Variants in HIVEP3 observed in about 807,000 individuals in gnomAD.
HIVEP3 encodes transcription factor HIVEP3.
A neutral mutation model predicts 152.8 loss-of-function variants in HIVEP3; 49 were observed. The observed-to-expected ratio is 0.32, with a 90% confidence interval of 0.26 to 0.41. The LOEUF is 0.41. HIVEP3 is among the 10% of genes least tolerant of loss of function. The pLI is 1.00. For missense variants in HIVEP3, 2,790 were observed against 3,103.3 expected (o/e 0.90, Z 2.40); for synonymous variants, 1,269 against 1,289.0 (o/e 0.98, Z 0.33).
intron 5 of HIVEP3, among the ~76,000 whole-genome samples, chr1:41,545,272 CCAT>C (rs1643728894): frequency 6.9e-6 from 1 of 144,222 alleles, no homozygotes; most frequent in Non-Finnish European, 1.5e-5. Flanking sequence ...ACTACCACCA[CCAT>C]CACTACCACC....
intron 1 of HIVEP3, among the ~76,000 whole-genome samples, chr1:41,886,815 GTGGAAT>G (rs1056965066): frequency 2.0e-5 from 3 of 151,556 alleles, no homozygotes; most frequent in Non-Finnish European, 4.4e-5. Context: ...CTTTGGACAT[GTGGAAT>G]TGAAGGAAAA....
chr1:41,584,493 G>A lies in HIVEP3; in HGVS notation c.305C>T (p.Pro102Leu). 6.2e-7 allele frequency: 1 copy of A among 1,614,160 alleles called. No individual in the cohort carries two copies. The highest frequency in any genetic ancestry group is 8.5e-7 in the Non-Finnish European group (1 of 1,180,022). Residue 102 changes from proline to leucine, a missense_variant, in exon 4 of 9, where the codon CCA (proline) becomes CTA (leucine). Transcript: ENST00000372583. The surrounding 1 kb of genome is among the most constrained non-coding windows in gnomAD (Gnocchi z 5.2). ...ISQLPQHPLT[P>L]AFMSPGKPEH... ...AGGTTTGCCAGGCGACATGAATGCT[G>A]GTGTCAGAGGGTGCTGCGGAAGCTG...
chr1:41,544,795 CCAT>C (rs1643648838), intron 5 of HIVEP3, among the ~76,000 whole-genome samples: 1 of 138,096 alleles, frequency 7.2e-6, no homozygotes, highest in Non-Finnish European at 1.6e-5. Flanking sequence ...TCCACTGCTA[CCAT>C]CACCACCACC....
intron 1 of HIVEP3, among the ~76,000 whole-genome samples, chr1:41,727,007 G>T (rs1347002297): frequency 6.6e-6 from 1 of 152,182 alleles, no homozygotes; most frequent in Non-Finnish European, 1.5e-5. Flanking sequence ...ACAGGCTTTG[G>T]TGTCTCAGCG....
chr1:41,816,017 G>T (rs1445014206), intron 1 of HIVEP3, among the ~76,000 whole-genome samples: 1 of 152,124 alleles, frequency 6.6e-6, no homozygotes, highest in Admixed American at 6.6e-5. Flanking sequence ...AGTCCCCAAA[G>T]AGCTGTGGAG....
chr1:41,995,667 G>A (rs1218370781), intron 1 of HIVEP3, among the ~76,000 whole-genome samples: 1 of 152,184 alleles, frequency 6.6e-6, no homozygotes, highest in African/African-American at 2.4e-5. Context: ...GGAATAAAAT[G>A]CATGACAACA....
intron 1 of HIVEP3, among the ~76,000 whole-genome samples, chr1:41,860,859 C>T (rs116201921): frequency 6.6e-6 from 1 of 152,326 alleles, no homozygotes; most frequent in Non-Finnish European, 1.5e-5. Flanking sequence ...CCTGTGGGCA[C>T]ACCTTAAGCA....
intron 1 of HIVEP3, among the ~76,000 whole-genome samples, chr1:41,834,838 A>T (rs2124361277): frequency 6.6e-6 from 1 of 152,250 alleles, no homozygotes; most frequent in African/African-American, 2.4e-5. Flanking sequence ...ACTATTTGAG[A>T]TGCATGGCAT....
chr1:41,722,495 CCCCTTCCCTT>C (rs570710250), intron 1 of HIVEP3, among the ~76,000 whole-genome samples: 7 of 136,364 alleles, frequency 5.1e-5, no homozygotes, highest in Non-Finnish European at 7.8e-5. Context: ...CCTCTCCCCT[CCCCTTCCCTT>C]CCCTTCCCTC....
chr1:41,627,182 A>G (rs1645129600), intron 3 of HIVEP3, among the ~76,000 whole-genome samples: 1 of 152,242 alleles, frequency 6.6e-6, no homozygotes, highest in Admixed American at 6.5e-5. Flanking sequence ...CACACACGCC[A>G]GAAGGGTGAC....
At chr1:41,702,267 C>T (rs1035594711) in intron 1 of HIVEP3, among the ~76,000 whole-genome samples, 3 of 152,152 alleles carry the variant, frequency 2.0e-5, no homozygotes, top group African/African-American at 7.2e-5. Context: ...ATCTTGCTTC[C>T]CTTCTCTTAC....
intron 5 of HIVEP3, among the ~76,000 whole-genome samples, chr1:41,571,418 G>A (rs1644250195): frequency 1.3e-5 from 2 of 152,244 alleles, no homozygotes. Context: ...GGGTGAGAGA[G>A]CCATCACATC....
intron 3 of HIVEP3, among the ~76,000 whole-genome samples, chr1:41,620,663 A>T (rs1397276324): frequency 1.3e-5 from 2 of 152,014 alleles, no homozygotes; most frequent in East Asian, 3.9e-4. Flanking sequence ...TCTCACATTC[A>T]ATATGCTTAG....
intron 2 of HIVEP3, among the ~76,000 whole-genome samples, chr1:41,698,204 C>T (rs151088316): frequency 0.015 from 2,214 of 152,238 alleles, 27 homozygotes; most frequent in Non-Finnish European, 0.018. Context: ...CTACTTTTGT[C>T]CTCTGGCTGG....
chr1:41,702,498 G>C (rs1353210977), intron 1 of HIVEP3, among the ~76,000 whole-genome samples: 1 of 152,088 alleles, frequency 6.6e-6, no homozygotes, highest in Non-Finnish European at 1.5e-5. Context: ...ATGTAAAATG[G>C]GAACTGTATT....
intron 1 of HIVEP3, among the ~76,000 whole-genome samples, chr1:41,836,966 G>A: frequency 6.6e-6 from 1 of 152,182 alleles, no homozygotes; most frequent in East Asian, 1.9e-4. Context: ...AGCAGATCAT[G>A]TCCCTACTTA....
intron 2 of HIVEP3, among the ~76,000 whole-genome samples, chr1:41,643,570 G>A (rs1645410390): frequency 6.6e-6 from 1 of 152,316 alleles, no homozygotes; most frequent in Non-Finnish European, 1.5e-5. Context: ...AGCAACAGGT[G>A]AAGTTACTAA....
intron 1 of HIVEP3, among the ~76,000 whole-genome samples, chr1:41,966,543 G>A (rs914418974): frequency 2.8e-5 from 4 of 142,736 alleles, no homozygotes; most frequent in South Asian, 2.3e-4. Context: ...GCGCCATCTC[G>A]GCTCACTGCA....
intron 5 of HIVEP3, among the ~76,000 whole-genome samples, chr1:41,571,133 C>T (rs1644246396): frequency 6.6e-6 from 1 of 152,068 alleles, no homozygotes; most frequent in Admixed American, 6.5e-5. Context: ...CTCCTGGGAT[C>T]TCACCATCTG....
Sources: gnomAD v4.1 joint callset for allele counts (sites outside exome capture counted in the v4.1 genomes callset) on GRCh38, gnomAD v4.1.1 for gene constraint, Gnocchi (gnomAD v3.1) non-coding constraint, MANE v1.5 for transcripts, NCBI Gene and HGNC (gene_info 2026-07-23, HGNC 2026-07-21) for gene names.